Variants in ARHGAP24 observed in about 807,000 individuals in gnomAD.
ARHGAP24 encodes the protein Rho GTPase activating protein 24, also known as rho GTPase-activating protein 24.
ARHGAP24 carries 50 observed loss-of-function variants against 76.4 expected under a neutral mutation model. That is an observed-to-expected ratio of 0.65 (90% CI 0.52 to 0.83). The LOEUF (loss-of-function observed/expected upper bound fraction) is 0.83. Ranked by LOEUF, ARHGAP24 falls within the 40% of genes least tolerant of loss-of-function variation. ARHGAP24 has a pLI of 0.00. For synonymous variants in ARHGAP24, 345 were observed against 323.3 expected, an observed-to-expected ratio of 1.07 and a Z score of -0.72; for missense variants, 930 against 914.2, an observed-to-expected ratio of 1.02 and a Z score of -0.22.
rs57348830 is a variant in ARHGAP24, at chr4:85,610,451, C to CAAAAAA, written c.180+39756_180+39761dup. Among the ~76,000 whole-genome samples the CAAAAAA allele has an allele frequency of 3.9e-3, 201 of 51,266 alleles. 6 individuals are homozygous for CAAAAAA. Among genetic ancestry groups the CAAAAAA allele is most frequent in the South Asian group, 8.2e-3 (6 of 734 alleles). 33.6% of individuals were successfully genotyped at this position (51,266 alleles called of 152,430 possible). On this transcript the variant is annotated intron_variant, in intron 2 of 9. Transcript: ENST00000395184. ...AGAGTGAGGAGTGAGACTCCATCTACAAAAAAAAAAAAAAAAAAAAAAAAA... is the reference window on the plus strand; with the variant it reads ...AGAGTGAGGAGTGAGACTCCATCTACAAAAAAAAAAAAAAAAAAAAAAAAAAAAAAA...
At chr4:85,648,753 C>T (rs888677265) in intron 2 of ARHGAP24, among the ~76,000 whole-genome samples, 2 of 152,024 alleles carry the variant, frequency 1.3e-5, no homozygotes, top group Non-Finnish European at 2.9e-5. Context: ...AAAATTTCTG[C>T]TGGTCTATTA....
chr4:85,770,883 C>T (rs1024643027), intron 3 of ARHGAP24, among the ~76,000 whole-genome samples: 1 of 152,128 alleles, frequency 6.6e-6, no homozygotes, highest in Non-Finnish European at 1.5e-5. Flanking sequence ...CCTCAGAGAA[C>T]GTTGCAGGAG....
chr4:85,864,557 C>T (rs968427946), intron 3 of ARHGAP24, among the ~76,000 whole-genome samples: 6 of 151,766 alleles, frequency 4.0e-5, no homozygotes, highest in African/African-American at 1.5e-4. Context: ...TATACAAAGA[C>T]CTGATGCCAA....
chr4:85,984,553 G>A (rs1197694182), intron 8 of ARHGAP24, among the ~76,000 whole-genome samples: 1 of 152,094 alleles, frequency 6.6e-6, no homozygotes, highest in Non-Finnish European at 1.5e-5. Context: ...CATCACACTG[G>A]GGGTTAGGAT....
At chr4:85,954,263 AC>A (rs1737782166) in intron 5 of ARHGAP24, among the ~76,000 whole-genome samples, 2 of 152,204 alleles carry the variant, frequency 1.3e-5, no homozygotes, top group South Asian at 4.1e-4. Context: ...ATAATAACCT[AC>A]CTTGTGCTGG....
chr4:85,630,714 G>T (rs1051036676), intron 2 of ARHGAP24, among the ~76,000 whole-genome samples: 1 of 151,656 alleles, frequency 6.6e-6, no homozygotes, highest in Non-Finnish European at 1.5e-5. Context: ...ATCTAACATT[G>T]TACATTATAA....
At chr4:85,997,326 T>TGACA (rs1560776448) in intron 9 of ARHGAP24, among the ~76,000 whole-genome samples, 2 of 142,300 alleles carry the variant, frequency 1.4e-5, no homozygotes, top group African/African-American at 6.0e-5. Context: ...GATAGATAGA[T>TGACA]GATAGATAGA....
chr4:85,534,537 G>C, intron 1 of ARHGAP24, among the ~76,000 whole-genome samples: 1 of 152,128 alleles, frequency 6.6e-6, no homozygotes, highest in East Asian at 1.9e-4. Context: ...TTGTTGGTTG[G>C]GGGAGAAGGC....
At chr4:85,999,718 GTC>G (rs1345949564) in intron 9 of ARHGAP24, 3 of 152,116 alleles carry the variant, frequency 2.0e-5, no homozygotes, top group Non-Finnish European at 4.4e-5. Flanking sequence ...GGAGAAAACA[GTC>G]TCTGTTTTTA....
intron 1 of ARHGAP24, among the ~76,000 whole-genome samples, chr4:85,522,980 T>C (rs116785905): frequency 2.0e-5 from 3 of 152,326 alleles, no homozygotes; most frequent in African/African-American, 7.2e-5. Context: ...AGCTTGCTTA[T>C]CACATGACCA....
chr4:85,672,880 T>C (rs1482098), intron 2 of ARHGAP24, among the ~76,000 whole-genome samples: 10,987 of 152,254 alleles, frequency 0.072, 1,310 homozygotes, highest in African/African-American at 0.25. Flanking sequence ...TTCATGTCTG[T>C]TGATTTGATG....
At chr4:85,960,406 A>G (rs1025462836) in intron 5 of ARHGAP24, among the ~76,000 whole-genome samples, 2 of 152,202 alleles carry the variant, frequency 1.3e-5, no homozygotes, top group Non-Finnish European at 2.9e-5. Flanking sequence ...ACACATTTAC[A>G]TACCCAAGAG....
At chr4:85,590,196 T>TG (rs1560543840) in intron 2 of ARHGAP24, among the ~76,000 whole-genome samples, 1,491 of 10,062 alleles carry the variant, frequency 0.15, 18 homozygotes, top group African/African-American at 0.26. Flanking sequence ...CTGCCTGCCT[T>TG]CCTTCCTTCC....
intron 1 of ARHGAP24, among the ~76,000 whole-genome samples, chr4:85,516,130 T>A (rs149209782): frequency 2.6e-5 from 4 of 152,284 alleles, no homozygotes; most frequent in Non-Finnish European, 5.9e-5. Context: ...ACCCCAAAGA[T>A]GTGCACACTA....
intron 8 of ARHGAP24, among the ~76,000 whole-genome samples, chr4:85,980,060 G>A (rs1322939301): frequency 6.6e-6 from 1 of 152,032 alleles, no homozygotes; most frequent in East Asian, 1.9e-4. Context: ...AGGCTCATAT[G>A]TTTTATGCCC....
chr4:85,626,477 G>A lies in ARHGAP24; in HGVS notation c.180+55756G>A, dbSNP rs528536674. Among the ~76,000 whole-genome samples, 224 of 92,630 alleles carry A rather than the reference G, an allele frequency of 2.4e-3. 1 individual carries two copies. The highest frequency in any genetic ancestry group is 9.6e-3 in the African/African-American group (209 of 21,826). 60.8% of individuals were successfully genotyped at this position (92,630 alleles called of 152,430 possible). ...ATGGGCTTCCCTTTGTGGATAACCC[G>A]ACCTTTCTCTCTGGCTGCCCTGCCC... On this transcript the variant is annotated intron_variant, in intron 2 of 9. Transcript: ENST00000395184.
At chr4:85,930,532 G>C (rs1736269692) in intron 4 of ARHGAP24, 1 of 1,015,960 alleles carries the variant, frequency 9.8e-7, no homozygotes, top group Non-Finnish European at 1.2e-6. Flanking sequence ...GACCTTTCCA[G>C]AGGAATCTCA....
Position 85,923,767 on chromosome 4 carries a change from G to A in ARHGAP24, c.388G>A (p.Gly130Arg). The A allele has an allele frequency of 6.2e-7, 1 of 1,613,972 alleles. No homozygotes were observed. Among genetic ancestry groups the A allele is most frequent in the Non-Finnish European group, 8.5e-7 (1 of 1,179,914 alleles). The stretch of plus-strand genomic sequence containing the variant: ...CCGAGTCATATGGGGACCTTTCGGA[G>A]GAGGTGAGTGTACTTTAAAATCATG... ...IRRVIWGPFG[G>R]GIFGQKLEDT... Residue 130 changes from glycine to arginine, a missense_variant, in exon 4 of 10, where the codon GGA (glycine) becomes AGA (arginine). Physicochemically the swap from Gly to Arg is moderately radical, Grantham distance 125. Coordinates refer to ENST00000395184, the MANE Select transcript of ARHGAP24 (RefSeq NM_001025616.3).
At chr4:85,959,851 G>A (rs544741206) in intron 5 of ARHGAP24, among the ~76,000 whole-genome samples, 1 of 152,258 alleles carries the variant, frequency 6.6e-6, no homozygotes, top group South Asian at 2.1e-4. Context: ...ACCCATTCTA[G>A]TGAATATGAA....
Sources: gnomAD v4.1 joint callset for allele counts (sites outside exome capture counted in the v4.1 genomes callset) on GRCh38, gnomAD v4.1.1 for gene constraint, MANE v1.5 for transcripts, NCBI Gene and HGNC (gene_info 2026-07-23, HGNC 2026-07-21) for gene names.